The following DENND2D variants were observed in gnomAD, a reference collection of about 807,000 sequenced individuals.
DENND2D encodes DENN domain-containing protein 2D.
Under a neutral mutation model 59.8 loss-of-function variants are expected in DENND2D, and 37 were observed. The ratio of observed to expected loss-of-function variants is 0.62; its 90% CI spans 0.48 to 0.81. DENND2D has a LOEUF of 0.81. DENND2D is among the 40% of genes least tolerant of loss of function. DENND2D has a pLI of 0.00. For missense variants in DENND2D, 525 were observed against 579.7 expected (o/e 0.91, Z 0.97); for synonymous variants, 219 against 211.3 (o/e 1.04, Z -0.31).
Position 111,189,209 on chromosome 1 carries a change from T to TA in DENND2D, c.1014+2dup, listed in dbSNP as rs1365146587. On this transcript the variant is annotated splice_region_variant and intron_variant, in intron 9 of 11. Coordinates refer to ENST00000357640, the MANE Select transcript of DENND2D (RefSeq NM_024901.5). Reference sequence around the variant, plus strand: ...TGCAGGGGATCTGAACCCAGACACTTACCGACATTAAGAAGGTTCCTTCAC... The same window carrying TA: ...TGCAGGGGATCTGAACCCAGACACTTAACCGACATTAAGAAGGTTCCTTCAC... 6.2e-7 allele frequency: 1 copy of TA among 1,614,142 alleles called. No individual in the cohort carries two copies. Among genetic ancestry groups the TA allele is most frequent in the East Asian group, 2.2e-5 (1 of 44,882 alleles).
intron 10 of DENND2D, 88 bp from the exon 11 acceptor site, chr1:111,188,458 G>GA: frequency 1.3e-6 from 2 of 1,552,222 alleles, no homozygotes; most frequent in Non-Finnish European, 1.7e-6. Flanking sequence ...CTTGCAGGCG[G>GA]AAAGCTCCTG....
chr1:111,198,577 C>A (rs139774926), intron 3 of DENND2D, 53 bp downstream of exon 3: 1 of 1,568,572 alleles, frequency 6.4e-7, no homozygotes, highest in African/African-American at 1.4e-5. Flanking sequence ...ACAGAACTCA[C>A]ACATGTTCCT....
At chr1:111,195,490 A>G in intron 6 of DENND2D, 1 of 180,510 alleles carries the variant, frequency 5.5e-6, no homozygotes, top group Middle Eastern at 2.7e-3. Context: ...TTAAAACGAT[A>G]GCATTCCCCT....
chr1:111,197,375 A>G lies in DENND2D; in HGVS notation c.427-122T>C, dbSNP rs954239418. The G allele has an allele frequency of 1.0e-5, 15 of 1,494,934 alleles. No homozygotes were observed. The African/African-American group carries it at 1.4e-4, about 14-fold the overall frequency. 92.6% of individuals were successfully genotyped at this position (1,494,934 alleles called of 1,614,324 possible). A position where few individuals can be genotyped will look rare whatever the true frequency, so the allele number is the denominator to read the frequency against. Reference sequence around the variant, plus strand: ...GGGATTTATGGGGAATGGTGGGTGCAGCAGGGAGGTCAGAATGGCCACCAG... The same window carrying G: ...GGGATTTATGGGGAATGGTGGGTGCGGCAGGGAGGTCAGAATGGCCACCAG... On this transcript the variant is annotated intron_variant, in intron 4 of 11. Coordinates refer to ENST00000357640, the MANE Select transcript of DENND2D (RefSeq NM_024901.5).
At position 111,198,738 on chromosome 1, in the gene DENND2D, T is replaced by C; in HGVS notation, c.248A>G (p.Glu83Gly). The change falls in exon 3 of 12, where the codon GAG (glutamate) becomes GGG (glycine). Residue 83 changes from glutamate to glycine, a missense_variant. Glu to Gly is a moderately conservative substitution (Grantham distance 98). Around this residue, in one of 3 missense-constraint regions of DENND2D, gnomAD observed 253 missense variants for 246.4 expected, o/e 1.03. Coordinates refer to ENST00000357640, the MANE Select transcript of DENND2D (RefSeq NM_024901.5). ...CTCCTGCTGACCCCGAAGCAGGTTC[T>C]CCCGCTATAAGGCAAAGGAAAAGAC... ...PIITYQFPKR[E>G]NLLRGQQEEE... 6.2e-7 allele frequency: 1 copy of C among 1,614,144 alleles called. No homozygotes were observed. Among genetic ancestry groups the C allele is most frequent in the Non-Finnish European group, 8.5e-7 (1 of 1,180,018 alleles).
chr1:111,193,113 A>G (rs1364750564), intron 7 of DENND2D, among the ~76,000 whole-genome samples: 1 of 152,190 alleles, frequency 6.6e-6, no homozygotes, highest in Non-Finnish European at 1.5e-5. Flanking sequence ...CCTGGCTTTC[A>G]TGGCTCTTCT....
chr1:111,198,113 G>T, intron 3 of DENND2D, 124 bp from the exon 4 acceptor site: 1 of 848,860 alleles, frequency 1.2e-6, no homozygotes. Flanking sequence ...AGGAGTAAGG[G>T]CTCACTGGTG....
At chr1:111,197,833 G>T in intron 4 of DENND2D, 87 bp downstream of exon 4, 1 of 1,592,004 alleles carries the variant, frequency 6.3e-7, no homozygotes, top group South Asian at 1.1e-5. Flanking sequence ...CAATAAGCCC[G>T]GAGTTTTGCA....
At position 111,189,178 on chromosome 1, in the gene DENND2D, T is replaced by C. The variant is rs768949050; in HGVS notation, c.1014+34A>G. Reference sequence around the variant, plus strand: ...GAAACTAGAGTGGTAGAGTTGTTGATAGGCCTGCAGGGGATCTGAACCCAG... The same window carrying C: ...GAAACTAGAGTGGTAGAGTTGTTGACAGGCCTGCAGGGGATCTGAACCCAG... On this transcript the variant is annotated intron_variant, in intron 9 of 11. Transcript: ENST00000357640. 3.1e-6 allele frequency: 5 copies of C among 1,612,520 alleles called. No individual in the cohort carries two copies. In the African/African-American group the frequency reaches 4.0e-5, roughly 13 times the overall value.
intron 8 of DENND2D, among the ~76,000 whole-genome samples, chr1:111,190,057 C>G (rs930048415): frequency 1.8e-4 from 27 of 150,568 alleles, no homozygotes; most frequent in East Asian, 3.9e-4. Flanking sequence ...CCAGCTACTC[C>G]AGAGGCTGAG....
At chr1:111,199,987 G>A (rs1306167588) in intron 1 of DENND2D, 189 bp from the exon 2 acceptor site, 6 of 693,194 alleles carry the variant, frequency 8.7e-6, no homozygotes, top group South Asian at 6.2e-5. Context: ...TGCCCTGGTA[G>A]ACTTGAAACC....
chr1:111,199,973 C>T, intron 1 of DENND2D, 175 bp from the exon 2 acceptor site: 2 of 747,362 alleles, frequency 2.7e-6, no homozygotes, highest in Non-Finnish European at 4.2e-6. Flanking sequence ...GCAGTTTCCA[C>T]ACCTGCCCTG....
chr1:111,197,782 C>T, intron 4 of DENND2D, 138 bp downstream of exon 4: 1 of 1,462,996 alleles, frequency 6.8e-7, no homozygotes, highest in Non-Finnish European at 9.0e-7. Flanking sequence ...ACTAGCATGG[C>T]AGCAGGTCCT....
At chr1:111,194,470 T>C in intron 7 of DENND2D, 108 bp downstream of exon 7, 1 of 1,280,380 alleles carries the variant, frequency 7.8e-7, no homozygotes, top group Non-Finnish European at 1.1e-6. Flanking sequence ...AACAGGAGGG[T>C]GGGCGCATGG....
At chr1:111,198,608 T>C (rs1189704581) in intron 3 of DENND2D, 22 bp downstream of exon 3, 2 of 1,612,038 alleles carry the variant, frequency 1.2e-6, no homozygotes, top group Non-Finnish European at 8.5e-7. Flanking sequence ...TCCAATACCC[T>C]TGCCCAGGGC....
chr1:111,204,342 G>T, upstream of DENND2D: 1 of 1,480,286 alleles, frequency 6.8e-7, no homozygotes, highest in Non-Finnish European at 8.9e-7. Context: ...GGCGGCGGCC[G>T]AGCCCATCCA....
At chr1:111,197,317 T>C in intron 4 of DENND2D, 64 bp from the exon 5 acceptor site, 1 of 1,566,778 alleles carries the variant, frequency 6.4e-7, no homozygotes. Flanking sequence ...CCCAACTGGG[T>C]ATGAAGGAGC....
chr1:111,200,941 T>C (rs138178906), upstream of DENND2D: 16 of 170,492 alleles, frequency 9.4e-5, no homozygotes, highest in South Asian at 2.8e-4. Flanking sequence ...AGGGATCCTA[T>C]ACCTCCAACA....
intron 8 of DENND2D, 160 bp from the exon 9 acceptor site, chr1:111,189,413 A>C: frequency 4.3e-6 from 3 of 704,920 alleles, no homozygotes; most frequent in Non-Finnish European, 7.3e-6. Context: ...CTCCTTTCTC[A>C]CCATTCCCCT....
Sources: allele counts gnomAD v4.1 joint callset (sites outside exome capture counted in the v4.1 genomes callset), GRCh38; gene constraint gnomAD v4.1.1; regional missense constraint gnomAD v4.1.1; transcripts MANE v1.5; gene names NCBI Gene and HGNC (gene_info 2026-07-23, HGNC 2026-07-21).